Variants in TG observed in about 807,000 individuals in gnomAD.
TG encodes the protein thyroglobulin, also known as thyroid hormones.
TG carries 270 observed loss-of-function variants against 324.7 expected under a neutral mutation model. The ratio of observed to expected loss-of-function variants is 0.83; its 90% CI spans 0.75 to 0.92. The LOEUF is 0.92. TG is among the 40% of genes least tolerant of loss of function. TG has a pLI of 0.00. For synonymous variants in TG, 1,401 were observed against 1,327.0 expected, an observed-to-expected ratio of 1.06 and a Z score of -1.21; for missense variants, 3,591 against 3,456.4, an observed-to-expected ratio of 1.04 and a Z score of -0.98.
At chr8:133,047,328 C>G (rs1403198062) in intron 41 of TG, 1 of 155,070 alleles carries the variant, frequency 6.4e-6, no homozygotes, top group Non-Finnish European at 1.4e-5. Context: ...TTACGGAGCA[C>G]AGAGGAAACT....
At chr8:132,918,000 A>G (rs1820606361) in intron 20 of TG, among the ~76,000 whole-genome samples, 1 of 150,758 alleles carries the variant, frequency 6.6e-6, no homozygotes. Flanking sequence ...GATTTAACTG[A>G]GGGTCAGCAC....
chr8:132,972,871 G>C (rs965582598), intron 34 of TG, 130 bp downstream of exon 34: 2 of 1,203,992 alleles, frequency 1.7e-6, no homozygotes, highest in African/African-American at 3.0e-5. Context: ...AACAGAAATA[G>C]ATTCTGTTTA....
chr8:132,944,970 G>A (rs1241276081), intron 26 of TG, among the ~76,000 whole-genome samples: 6 of 152,182 alleles, frequency 3.9e-5, no homozygotes, highest in African/African-American at 1.4e-4. Context: ...GGAGCAGAGA[G>A]TACAAGGCCA....
Position 132,911,397 on chromosome 8 carries a change from G to A in TG, c.4023G>A (p.Leu1341=). The part of the protein sequence containing the change: ...CQIQVKTFGT[L]VSIPVCNNSS... ...TGTAGGTGAAGACTTTTGGCACCCT[G>A]GTTTCCATTCCTGTCTGCAACAACT... Residue 1341 remains leucine (L), a synonymous_variant, in exon 19 of 48, where the codon CTG becomes CTA. Transcript: ENST00000220616. The A allele has an allele frequency of 6.2e-7, 1 of 1,614,158 alleles. No individual in the cohort carries two copies. The highest frequency in any genetic ancestry group is 1.1e-5 in the South Asian group (1 of 91,080).
intron 3 of TG, 35 bp downstream of exon 3, chr8:132,869,861 C>A: frequency 6.3e-7 from 1 of 1,584,116 alleles, no homozygotes; most frequent in Non-Finnish European, 8.7e-7. Context: ...TTGGAGGGAC[C>A]CTGCTAGGAC....
At chr8:132,885,660 A>G (rs1035998626) in intron 8 of TG, among the ~76,000 whole-genome samples, 1 of 152,156 alleles carries the variant, frequency 6.6e-6, no homozygotes, top group Non-Finnish European at 1.5e-5. Context: ...TTAAATACGC[A>G]TAGGAATGTG....
At chr8:132,872,339 G>T (rs990388120) in intron 4 of TG, among the ~76,000 whole-genome samples, 4 of 151,740 alleles carry the variant, frequency 2.6e-5, no homozygotes, top group African/African-American at 4.8e-5. Flanking sequence ...TTAGCCGGGC[G>T]TGGTGGCGGG....
intron 18 of TG, among the ~76,000 whole-genome samples, chr8:132,909,065 G>A (rs1330128457): frequency 2.6e-5 from 4 of 152,244 alleles, no homozygotes; most frequent in African/African-American, 9.6e-5. Flanking sequence ...CTTGTTGGCT[G>A]TGGCTAGGAT....
At chr8:133,047,660 G>T (rs1417271559) in intron 41 of TG, 2 of 633,988 alleles carry the variant, frequency 3.2e-6, no homozygotes, top group Non-Finnish European at 5.8e-6. Context: ...TAGTCCCCTT[G>T]CTTCCCCACT....
Position 132,932,368 on chromosome 8 carries a change from C to T in TG, c.4817-1193C>T, listed in dbSNP as rs145837930. 5.1e-3 allele frequency among the ~76,000 whole-genome samples: 781 copies of T among 152,226 alleles called. 26 individuals are homozygous for T. Among genetic ancestry groups the T allele is most frequent in the Admixed American group, 0.044 (675 of 15,292 alleles). ...ATCCCAGATACCAGTGGCTTTCCCT[C>T]GCCTTTCAGCTGGGCAAATACAGGG... On this transcript the variant is annotated intron_variant, in intron 23 of 47. Transcript: ENST00000220616.
At chr8:133,133,126 A>G (rs1564224725) in intron 46 of TG, among the ~76,000 whole-genome samples, 1 of 152,194 alleles carries the variant, frequency 6.6e-6, no homozygotes, top group Non-Finnish European at 1.5e-5. Flanking sequence ...TCCAAAGGCT[A>G]GCTATGGTGT....
chr8:133,087,425 C>A (rs1176906210), intron 41 of TG, among the ~76,000 whole-genome samples: 1 of 152,156 alleles, frequency 6.6e-6, no homozygotes, highest in East Asian at 1.9e-4. Flanking sequence ...AGAACCACCT[C>A]CTTCCTCCCT....
intron 5 of TG, among the ~76,000 whole-genome samples, chr8:132,880,470 C>A (rs2132113315): frequency 6.6e-6 from 1 of 152,250 alleles, no homozygotes; most frequent in African/African-American, 2.4e-5. Context: ...CCCCTACCTC[C>A]CTATTAGTGG....
rs1837991204 is a variant in TG, at chr8:133,040,365, G to C, written c.7239+10342G>C. On this transcript the variant is annotated intron_variant, in intron 41 of 47. Transcript: ENST00000220616. ...GCACTTAGCCAGGCATGGGCAGAGA[G>C]AGAGGTTTAAGATCCAGTATCAACC... 5.7e-6 allele frequency: 3 copies of C among 523,950 alleles called. No homozygotes were observed. In the Admixed American group the frequency reaches 9.8e-5, roughly 17 times the overall value. The allele number at this position is 523,950 out of a possible 1,614,324, so 32.5% of individuals were successfully genotyped here. A position where few individuals can be genotyped will look rare whatever the true frequency, so the allele number is the denominator to read the frequency against.
chr8:133,054,330 C>A (rs916775430), intron 41 of TG, among the ~76,000 whole-genome samples: 1 of 152,100 alleles, frequency 6.6e-6, no homozygotes, highest in Non-Finnish European at 1.5e-5. Flanking sequence ...AAAGAAGAAA[C>A]CCAGAGAGAA....
chr8:133,074,554 A>G (rs1844572622), intron 41 of TG, among the ~76,000 whole-genome samples: 1 of 152,216 alleles, frequency 6.6e-6, no homozygotes, highest in South Asian at 2.1e-4. Flanking sequence ...GGCAAATCCC[A>G]ATTATCCTTT....
At chr8:133,092,318 G>A (rs1847687924) in intron 41 of TG, among the ~76,000 whole-genome samples, 1 of 152,216 alleles carries the variant, frequency 6.6e-6, no homozygotes, top group African/African-American at 2.4e-5. Flanking sequence ...GGAACAAAAA[G>A]CAGTGGTCAG....
At chr8:132,867,691 C>T (rs1000204207) in intron 1 of TG, among the ~76,000 whole-genome samples, 2 of 150,672 alleles carry the variant, frequency 1.3e-5, no homozygotes, top group Admixed American at 6.6e-5. Context: ...GAACATGTTA[C>T]ATCTGCAGGG....
At chr8:133,099,338 C>T (rs1297752518) in intron 43 of TG, among the ~76,000 whole-genome samples, 1 of 152,222 alleles carries the variant, frequency 6.6e-6, no homozygotes, top group Non-Finnish European at 1.5e-5. Context: ...CACTGAGCAG[C>T]TTTTGTGAGC....
Sources: gnomAD v4.1 joint callset for allele counts (sites outside exome capture counted in the v4.1 genomes callset) on GRCh38, gnomAD v4.1.1 for gene constraint, MANE v1.5 for transcripts, NCBI Gene and HGNC (gene_info 2026-07-23, HGNC 2026-07-21) for gene names.